Variants in TENM2 observed in about 807,000 individuals in gnomAD.
TENM2 encodes teneurin transmembrane protein 2.
Under a neutral mutation model 245.2 loss-of-function variants are expected in TENM2, and 52 were observed. That is an observed-to-expected ratio of 0.21 (90% CI 0.17 to 0.27). The LOEUF (loss-of-function observed/expected upper bound fraction) is 0.27. Among genes scored for constraint, TENM2 ranks in the 10% least tolerant of loss-of-function variants. The pLI is 1.00. For synonymous variants in TENM2, 1,363 were observed against 1,438.9 expected (o/e 0.95, Z 1.19); for missense variants, 3,046 against 3,666.8 (o/e 0.83, Z 4.37).
chr5:167,807,036 C>T (rs1031749931), intron 2 of TENM2, among the ~76,000 whole-genome samples: 3 of 144,722 alleles, frequency 2.1e-5, no homozygotes, highest in African/African-American at 7.7e-5. Flanking sequence ...TCTAGTCCCT[C>T]TAGAGGTCAA....
At chr5:167,619,193 A>C (rs1042175637) in intron 2 of TENM2, among the ~76,000 whole-genome samples, 5 of 152,094 alleles carry the variant, frequency 3.3e-5, no homozygotes, top group African/African-American at 1.2e-4. Flanking sequence ...AGATAGTTCC[A>C]TTTGTTTTCT....
At chr5:167,503,043 T>C (rs1277560071) in intron 2 of TENM2, among the ~76,000 whole-genome samples, 2 of 152,042 alleles carry the variant, frequency 1.3e-5, no homozygotes, top group South Asian at 4.1e-4. Context: ...GTCAGGCTGG[T>C]CTCAAACTCT....
chr5:168,235,756 G>A (rs969622256), intron 25 of TENM2, among the ~76,000 whole-genome samples: 30 of 152,126 alleles, frequency 2.0e-4, no homozygotes, highest in African/African-American at 7.2e-4. Flanking sequence ...GCAGTAAGCC[G>A]AGATGGCACC....
chr5:167,739,004 A>G (rs779506482), intron 2 of TENM2, among the ~76,000 whole-genome samples: 8 of 152,214 alleles, frequency 5.3e-5, no homozygotes, highest in Non-Finnish European at 8.8e-5. Context: ...TAGAAACAGA[A>G]TGAAGTATAT....
intron 2 of TENM2, among the ~76,000 whole-genome samples, chr5:167,609,583 A>G (rs1473952887): frequency 1.3e-5 from 2 of 150,996 alleles, no homozygotes; most frequent in Non-Finnish European, 2.9e-5. Flanking sequence ...GGAACTTCCA[A>G]CAGACTGCCC....
At chr5:167,571,746 T>TGTGCTGAAATAGTTGC (rs1475919455) in intron 2 of TENM2, among the ~76,000 whole-genome samples, 3 of 152,362 alleles carry the variant, frequency 2.0e-5, no homozygotes, top group East Asian at 3.9e-4. Context: ...CTGTTTTTAT[T>TGTGCTGAAATAGTTGC]GTGCTGAAAT....
intron 2 of TENM2, among the ~76,000 whole-genome samples, chr5:167,497,268 A>G (rs1370872316): frequency 1.3e-5 from 2 of 152,102 alleles, no homozygotes; most frequent in East Asian, 1.9e-4. Context: ...AACTGCTGAT[A>G]CTTCCAATAT....
intron 2 of TENM2, among the ~76,000 whole-genome samples, chr5:167,513,716 C>T (rs1480747794): frequency 6.6e-6 from 1 of 152,176 alleles, no homozygotes; most frequent in Non-Finnish European, 1.5e-5. Flanking sequence ...TCTGTGATTT[C>T]TCTATATCCA....
rs115316736 is a variant in TENM2 at position 167,380,853 on chromosome 5, C to G, written c.502+5380C>G. On this transcript the variant is annotated intron_variant, in intron 2 of 28. Coordinates refer to ENST00000518659, the Ensembl canonical transcript of TENM2. Reference sequence around the variant, plus strand: ...TTTTTGTCTGTTCACGATTGGAAGCCTCTTCAGTCAGAAAACTCTTTTTTT... The same window carrying G: ...TTTTTGTCTGTTCACGATTGGAAGCGTCTTCAGTCAGAAAACTCTTTTTTT... Among the ~76,000 whole-genome samples, 253 of 152,214 alleles carry G rather than the reference C, an allele frequency of 1.7e-3. 5 individuals carry two copies. Among genetic ancestry groups the G allele is most frequent in the African/African-American group, 5.7e-3 (238 of 41,558 alleles).
intron 2 of TENM2, among the ~76,000 whole-genome samples, chr5:167,870,109 G>A (rs531634394): frequency 2.0e-5 from 3 of 152,120 alleles, no homozygotes; most frequent in African/African-American, 7.2e-5. Context: ...TAACACAAAA[G>A]CCATGTTTTT....
intron 2 of TENM2, among the ~76,000 whole-genome samples, chr5:167,442,836 A>T (rs1764948460): frequency 6.6e-6 from 1 of 152,152 alleles, no homozygotes; most frequent in Admixed American, 6.6e-5. Context: ...TCTCACTCCT[A>T]ACATCCTTAG....
At chr5:167,451,014 T>C (rs537796228) in intron 2 of TENM2, among the ~76,000 whole-genome samples, 5 of 152,242 alleles carry the variant, frequency 3.3e-5, no homozygotes. Context: ...AAAATTGTTA[T>C]AACTGTTACC....
intron 2 of TENM2, among the ~76,000 whole-genome samples, chr5:167,633,285 G>A (rs1582602549): frequency 1.3e-5 from 2 of 152,186 alleles, no homozygotes; most frequent in East Asian, 1.9e-4. Flanking sequence ...TGTTCAAGGA[G>A]TTTACATTCC....
intron 2 of TENM2, among the ~76,000 whole-genome samples, chr5:167,654,655 G>C (rs1033686264): frequency 6.6e-6 from 1 of 151,802 alleles, no homozygotes; most frequent in African/African-American, 2.4e-5. Context: ...ATTGCAGGGA[G>C]GGTTTGTGAT....
chr5:167,807,999 T>C (rs949635693), intron 2 of TENM2, among the ~76,000 whole-genome samples: 2 of 152,172 alleles, frequency 1.3e-5, no homozygotes, highest in East Asian at 3.9e-4. Context: ...TGAATGCTAA[T>C]TTCCAATATG....
intron 5 of TENM2, among the ~76,000 whole-genome samples, chr5:168,015,379 G>C (rs1287040588): frequency 6.6e-6 from 1 of 152,204 alleles, no homozygotes; most frequent in Non-Finnish European, 1.5e-5. Context: ...CACAAGGCTA[G>C]CAAACAGCAG....
At position 168,247,845 on chromosome 5, in the gene TENM2, T is replaced by C; in HGVS notation, c.6906T>C (p.Tyr2302=). 1.9e-6 allele frequency: 3 copies of C among 1,614,016 alleles called. No individual in the cohort carries two copies. Among genetic ancestry groups the C allele is most frequent in the Non-Finnish European group, 2.5e-6 (3 of 1,179,884 alleles). The change falls in exon 27 of 29, where the codon TAT becomes TAC. Residue 2302 remains tyrosine, a synonymous_variant. Coordinates refer to ENST00000518659, the Ensembl canonical transcript of TENM2. This position sits in a 1 kb window ranked among gnomAD's most constrained non-coding sequence, Gnocchi z 7.8. ...GCGGGTGGAGTGTCCAGTACCGCTA[T>C]GATGGCGTAGGACGGCGGGCTTCCT...
chr5:168,220,278 T>C (rs980481410), intron 23 of TENM2, among the ~76,000 whole-genome samples: 1 of 152,118 alleles, frequency 6.6e-6, no homozygotes, highest in Admixed American at 6.5e-5. Context: ...CAGAAACAAT[T>C]TGTTGGCTCT....
At chr5:167,100,382 T>A in the TENM2 span, among the ~76,000 whole-genome samples, 2 of 152,036 alleles carry the variant, frequency 1.3e-5, no homozygotes, top group Non-Finnish European at 2.9e-5. Context: ...GACCTGCAGT[T>A]GTCACCCGGC....
Sources: allele counts gnomAD v4.1 joint callset (sites outside exome capture counted in the v4.1 genomes callset), GRCh38; gene constraint gnomAD v4.1.1; non-coding constraint Gnocchi (gnomAD v3.1); transcripts MANE v1.5; gene names NCBI Gene and HGNC (gene_info 2026-07-23, HGNC 2026-07-21).